Variants in CLEC16A observed in about 807,000 individuals in gnomAD.
The protein encoded by CLEC16A is protein CLEC16A.
A neutral mutation model predicts 109.5 loss-of-function variants in CLEC16A; 51 were observed. The ratio of observed to expected loss-of-function variants is 0.47; its 90% confidence interval spans 0.37 to 0.59. The LOEUF (loss-of-function observed/expected upper bound fraction) is 0.59. Ranked by LOEUF, CLEC16A falls within the 20% of genes least tolerant of loss-of-function variation. CLEC16A has a pLI of 0.00. For missense variants in CLEC16A, 1,339 were observed against 1,394.0 expected, an observed-to-expected ratio of 0.96 and a Z score of 0.63; for synonymous variants, 673 against 564.2, an observed-to-expected ratio of 1.19 and a Z score of -2.73.
At chr16:11,125,000 G>A (rs2052700759) in intron 21 of CLEC16A, among the ~76,000 whole-genome samples, 1 of 152,084 alleles carries the variant, frequency 6.6e-6, no homozygotes, top group African/African-American at 2.4e-5. Flanking sequence ...GAGGCGGGAG[G>A]ATCACTTGAG....
At chr16:10,976,394 C>A (rs1596836014) in intron 7 of CLEC16A, among the ~76,000 whole-genome samples, 1 of 148,928 alleles carries the variant, frequency 6.7e-6, no homozygotes, top group African/African-American at 2.5e-5. Context: ...AATGTGACAT[C>A]TATATTTTAG....
intron 22 of CLEC16A, among the ~76,000 whole-genome samples, chr16:11,132,303 C>T (rs375765690): frequency 5.9e-5 from 8 of 136,560 alleles, no homozygotes; most frequent in African/African-American, 2.2e-4. Context: ...TATAGATTTA[C>T]GTAGTCTGGG....
intron 11 of CLEC16A, among the ~76,000 whole-genome samples, chr16:11,014,924 T>C (rs137995202): frequency 1.3e-3 from 192 of 152,242 alleles, no homozygotes; most frequent in African/African-American, 4.1e-3. Flanking sequence ...GGAGGTCAAG[T>C]CCTCTTTGAT....
chr16:11,045,465 G>C (rs9928724), intron 16 of CLEC16A, among the ~76,000 whole-genome samples: 2,427 of 152,186 alleles, frequency 0.016, 56 homozygotes, highest in African/African-American at 0.055. Flanking sequence ...CATCTTACTG[G>C]ATGACCTCAT....
chr16:11,085,660 C>G (rs2049971356), intron 19 of CLEC16A, among the ~76,000 whole-genome samples: 2 of 152,250 alleles, frequency 1.3e-5, no homozygotes, highest in Admixed American at 6.5e-5. Context: ...AGCCTCCTGT[C>G]TGGATCTGAG....
At chr16:10,945,115 G>T (rs1466014696) in intron 1 of CLEC16A, among the ~76,000 whole-genome samples, 1 of 152,196 alleles carries the variant, frequency 6.6e-6, no homozygotes, top group Non-Finnish European at 1.5e-5. Flanking sequence ...GTTTCCTGGC[G>T]GGGTACTTCT....
At chr16:11,002,996 A>G in intron 10 of CLEC16A, 78 bp from the exon 11 acceptor site, 2 of 1,198,526 alleles carry the variant, frequency 1.7e-6, no homozygotes, top group Non-Finnish European at 2.3e-6. Context: ...TTAGGACAGA[A>G]ACTTTTGGGC....
chr16:11,125,972 A>T lies in CLEC16A; in HGVS notation c.2474-7A>T, dbSNP rs752647476. On this transcript the variant is annotated splice_polypyrimidine_tract_variant and splice_region_variant and intron_variant, in intron 21 of 23. Coordinates refer to ENST00000409790, the MANE Select transcript of CLEC16A (RefSeq NM_015226.3). ...TCAGAGTGAACCATGCTATTGTTTG[A>T]CCGTAGCCCTCCTGGACCTCCCAAT... 15 of 1,439,634 alleles carry T rather than the reference A, an allele frequency of 1.0e-5. No individual in the cohort carries two copies. Among genetic ancestry groups the T allele is most frequent in the Non-Finnish European group, 1.4e-5 (15 of 1,077,362 alleles). 89.2% of individuals were successfully genotyped at this position (1,439,634 alleles called of 1,614,324 possible). A position where few individuals can be genotyped will look rare whatever the true frequency, so the allele number is the denominator to read the frequency against.
chr16:11,125,659 A>T (rs2052755327), intron 21 of CLEC16A, among the ~76,000 whole-genome samples: 1 of 152,200 alleles, frequency 6.6e-6, no homozygotes, highest in Admixed American at 6.5e-5. Context: ...AGGGTCCTTT[A>T]CACATGGAAG....
At chr16:11,111,526 C>G (rs1016753524) in intron 19 of CLEC16A, among the ~76,000 whole-genome samples, 1 of 152,194 alleles carries the variant, frequency 6.6e-6, no homozygotes, top group African/African-American at 2.4e-5. Flanking sequence ...GTAGACCCCA[C>G]CACTTGATGG....
At chr16:11,080,151 G>A (rs2049619810) in intron 19 of CLEC16A, among the ~76,000 whole-genome samples, 1 of 152,172 alleles carries the variant, frequency 6.6e-6, no homozygotes, top group Non-Finnish European at 1.5e-5. Flanking sequence ...ACCCACTCCC[G>A]TGCGCGTCCA....
chr16:11,169,822 C>T (rs1161341195), intron 23 of CLEC16A, among the ~76,000 whole-genome samples: 1 of 152,222 alleles, frequency 6.6e-6, no homozygotes, highest in Non-Finnish European at 1.5e-5. Flanking sequence ...ACGGCAGGGC[C>T]TTCTCAGTGT....
At chr16:11,155,787 C>T (rs2054488939) in intron 22 of CLEC16A, among the ~76,000 whole-genome samples, 1 of 152,178 alleles carries the variant, frequency 6.6e-6, no homozygotes, top group Non-Finnish European at 1.5e-5. Flanking sequence ...AGTTAACTAC[C>T]CCACCCTGCA....
chr16:11,153,414 T>G (rs183410096), intron 22 of CLEC16A, among the ~76,000 whole-genome samples: 1 of 152,200 alleles, frequency 6.6e-6, no homozygotes, highest in African/African-American at 2.4e-5. Context: ...TAGGGTCATG[T>G]CCAGAGTTGT....
intron 9 of CLEC16A, among the ~76,000 whole-genome samples, chr16:10,981,827 G>A (rs2043337553): frequency 6.6e-6 from 1 of 152,160 alleles, no homozygotes; most frequent in Non-Finnish European, 1.5e-5. Context: ...TCTTAACTAG[G>A]GGCAATTTTG....
At chr16:11,015,997 A>T (rs1208449679) in intron 11 of CLEC16A, among the ~76,000 whole-genome samples, 1 of 152,220 alleles carries the variant, frequency 6.6e-6, no homozygotes, top group South Asian at 2.1e-4. Flanking sequence ...TCTGATGGCA[A>T]GCCTTGTTAG....
intron 19 of CLEC16A, among the ~76,000 whole-genome samples, chr16:11,064,890 AGT>A (rs780383932): frequency 3.1e-4 from 47 of 152,346 alleles, no homozygotes; most frequent in Non-Finnish European, 6.0e-4. Flanking sequence ...GTGCCCAGTG[AGT>A]GGGAGTTGGC....
At chr16:10,960,652 G>C (rs1453767273) in intron 2 of CLEC16A, among the ~76,000 whole-genome samples, 2 of 152,202 alleles carry the variant, frequency 1.3e-5, no homozygotes, top group East Asian at 1.9e-4. Flanking sequence ...TTCATGATGA[G>C]GGGGTGGGGG....
chr16:10,959,324 C>T (rs2042143162), intron 2 of CLEC16A, among the ~76,000 whole-genome samples: 2 of 152,306 alleles, frequency 1.3e-5, no homozygotes, highest in African/African-American at 4.8e-5. Flanking sequence ...ATCTCCAAAG[C>T]AGAACATGCG....
Sources: allele counts gnomAD v4.1 joint callset (sites outside exome capture counted in the v4.1 genomes callset), GRCh38; gene constraint gnomAD v4.1.1; transcripts MANE v1.5; gene names NCBI Gene and HGNC (gene_info 2026-07-23, HGNC 2026-07-21).